SUCLA2: variants seen among roughly 807,000 people sequenced by gnomAD.
SUCLA2 encodes succinate-CoA ligase ADP-forming subunit beta.
A neutral mutation model predicts 54.8 loss-of-function variants in SUCLA2; 30 were observed. The ratio of observed to expected loss-of-function variants is 0.55; its 90% confidence interval spans 0.41 to 0.74. The LOEUF (loss-of-function observed/expected upper bound fraction) is 0.74, where lower values mean the gene tolerates loss of function less well. SUCLA2 is among the 30% of genes least tolerant of loss of function. The pLI, the probability that SUCLA2 is intolerant of heterozygous loss-of-function variation, is 0.00. For missense variants in SUCLA2, 476 were observed against 562.9 expected (o/e 0.85, Z 1.56); for synonymous variants, 172 against 188.9 (o/e 0.91, Z 0.74).
At chr13:47,970,418 A>G (rs1273788481) in intron 5 of SUCLA2, among the ~76,000 whole-genome samples, 5 of 152,150 alleles carry the variant, frequency 3.3e-5, no homozygotes, top group African/African-American at 1.2e-4. Context: ...TTCCTCATCT[A>G]AATTTCACTC....
At chr13:47,973,475 T>C (rs756729477) in intron 4 of SUCLA2, 83 bp from the exon 5 acceptor site, 35 of 1,490,826 alleles carry the variant, frequency 2.3e-5, no homozygotes, top group South Asian at 2.0e-4. Context: ...GTGCATAATA[T>C]CAGATGTAAG....
chr13:47,964,822 A>C (rs1426770726), intron 6 of SUCLA2, among the ~76,000 whole-genome samples: 1 of 152,006 alleles, frequency 6.6e-6, no homozygotes, highest in Non-Finnish European at 1.5e-5. Context: ...GTGCCACTGC[A>C]CTCCAGCCTG....
chr13:47,997,086 T>G, intron 1 of SUCLA2, 63 bp from the exon 2 acceptor site: 1 of 1,549,888 alleles, frequency 6.5e-7, no homozygotes, highest in South Asian at 1.1e-5. Context: ...TGCTAACTAC[T>G]TGGTTCTTCA....
At chr13:47,956,530 GGACA>G (rs1473281009) in intron 6 of SUCLA2, among the ~76,000 whole-genome samples, 1 of 152,074 alleles carries the variant, frequency 6.6e-6, no homozygotes, top group African/African-American at 2.4e-5. Flanking sequence ...TTCAAAAGAA[GGACA>G]GAATAAAGAT....
intron 4 of SUCLA2, among the ~76,000 whole-genome samples, chr13:47,974,406 A>C (rs945892584): frequency 6.6e-6 from 1 of 152,056 alleles, no homozygotes; most frequent in Non-Finnish European, 1.5e-5. Context: ...GCAACATAGT[A>C]AGACTCCATT....
At chr13:47,981,352 A>G (rs1380261851) in intron 4 of SUCLA2, among the ~76,000 whole-genome samples, 1 of 152,248 alleles carries the variant, frequency 6.6e-6, no homozygotes, top group Admixed American at 6.5e-5. Flanking sequence ...GCCTGTAAGC[A>G]TATGAAAAGA....
intron 2 of SUCLA2, among the ~76,000 whole-genome samples, chr13:47,993,952 T>G (rs1950170801): frequency 6.7e-6 from 1 of 149,842 alleles, no homozygotes; most frequent in Non-Finnish European, 1.5e-5. Context: ...GAGAACTGCT[T>G]GAACCCAGGA....
intron 2 of SUCLA2, chr13:47,994,966 T>C (rs1487356562): frequency 7.1e-6 from 4 of 565,382 alleles, no homozygotes; most frequent in Admixed American, 1.3e-4. Flanking sequence ...CTATTCATTT[T>C]ATGAAAAAGT....
At chr13:47,946,083 A>AT (rs2137683622) in intron 10 of SUCLA2, 1 of 152,334 alleles carries the variant, frequency 6.6e-6, no homozygotes, top group African/African-American at 2.4e-5. Context: ...CCAAGTAAGC[A>AT]TTTTATCATC....
chr13:47,998,390 G>C (rs1268437237), intron 1 of SUCLA2, among the ~76,000 whole-genome samples: 3 of 151,096 alleles, frequency 2.0e-5, no homozygotes, highest in African/African-American at 7.3e-5. Flanking sequence ...CCATTCCTGG[G>C]TATGTATCAA....
chr13:48,001,058 T>C, intron 1 of SUCLA2, 122 bp downstream of exon 1: 2 of 1,519,550 alleles, frequency 1.3e-6, no homozygotes, highest in Non-Finnish European at 1.8e-6. Flanking sequence ...CCCGAGGGCC[T>C]TGCAGGGCAC....
chr13:47,985,376 G>A (rs1950093518), intron 4 of SUCLA2, among the ~76,000 whole-genome samples: 1 of 151,920 alleles, frequency 6.6e-6, no homozygotes, highest in African/African-American at 2.4e-5. Context: ...TCTTTCTGAT[G>A]CTCTCCCTCC....
chr13:47,947,268 G>A (rs994436082), intron 10 of SUCLA2, among the ~76,000 whole-genome samples: 5 of 135,006 alleles, frequency 3.7e-5, no homozygotes, highest in Non-Finnish European at 6.4e-5. Context: ...ATGCACACAC[G>A]CACAATACAC....
At chr13:47,968,804 C>G (rs150772637) in intron 5 of SUCLA2, 71 bp from the exon 6 acceptor site, 16,588 of 1,524,946 alleles carry the variant, frequency 0.011, 134 homozygotes, top group Middle Eastern at 0.017. Context: ...AAATAAAAAG[C>G]CTTGTAGTTT....
At chr13:47,999,576 A>G (rs533320968) in intron 1 of SUCLA2, among the ~76,000 whole-genome samples, 9 of 152,152 alleles carry the variant, frequency 5.9e-5, no homozygotes, top group African/African-American at 2.2e-4. Context: ...ACGTGGTGGC[A>G]GGCGCCTGCA....
In SUCLA2 at chr13:47,996,735, G is replaced by T. The variant is rs189486059; in HGVS notation, c.271+108C>A. 5.4e-5 allele frequency: 52 copies of T among 968,300 alleles called. No homozygotes were observed. The Admixed American group carries it at 9.2e-4, about 17-fold the overall frequency. 60.0% of individuals were successfully genotyped at this position (968,300 alleles called of 1,614,324 possible). A position where few individuals can be genotyped will look rare whatever the true frequency, so the allele number is the denominator to read the frequency against. On this transcript the variant is annotated intron_variant, in intron 2 of 10. Transcript: ENST00000646932. ...ACCTTCTATTTTAAGCAAAGAAAAT[G>T]TATTTTTTTTAAAAAAAAGCTAAAA...
At chr13:47,978,067 A>G (rs12430608) in intron 4 of SUCLA2, among the ~76,000 whole-genome samples, 6,487 of 152,292 alleles carry the variant, frequency 0.043, 285 homozygotes, top group African/African-American at 0.11. Context: ...GGAAGAATCA[A>G]TATCATGAAA....
Position 47,970,107 on chromosome 13 carries a change from C to A in SUCLA2, c.664-1374G>T, listed in dbSNP as rs1005035125. Reference sequence around the variant, plus strand: ...ACAGAGTGAGACTCTGTCTCCCCCCCACAAAAAAAAAAAAAGCACTAAGGA... The same window carrying A: ...ACAGAGTGAGACTCTGTCTCCCCCCAACAAAAAAAAAAAAAGCACTAAGGA... On this transcript the variant is annotated intron_variant, in intron 5 of 10. Coordinates refer to ENST00000646932, the MANE Select transcript of SUCLA2 (RefSeq NM_003850.3). Among the ~76,000 whole-genome samples the A allele has an allele frequency of 4.9e-4, 35 of 71,806 alleles. No homozygotes were observed. The East Asian group carries it at 6.0e-3, about 12-fold the overall frequency. The allele number at this position is 71,806 out of a possible 152,430, so 47.1% of individuals were successfully genotyped here.
rs1949700029 is a variant in SUCLA2, at chr13:47,943,268, C to A, written c.*103G>T. 1 of 1,182,586 alleles carries A rather than the reference C, an allele frequency of 8.5e-7. No homozygotes were observed. Among genetic ancestry groups the A allele is most frequent in the African/African-American group, 1.5e-5 (1 of 66,526 alleles). The allele number at this position is 1,182,586 out of a possible 1,614,324, so 73.3% of individuals were successfully genotyped here. A position where few individuals can be genotyped will look rare whatever the true frequency, so the allele number is the denominator to read the frequency against. The stretch of plus-strand genomic sequence containing the variant: ...TGTTTGTGTGCCTAGATGGCAATTA[C>A]AATCTCCACACACTAAAAAGAAAAA... On this transcript the variant is annotated 3_prime_UTR_variant, in exon 11 of 11. Coordinates refer to ENST00000646932, the MANE Select transcript of SUCLA2 (RefSeq NM_003850.3).
Sources: gnomAD v4.1 joint callset for allele counts (sites outside exome capture counted in the v4.1 genomes callset) on GRCh38, gnomAD v4.1.1 for gene constraint, MANE v1.5 for transcripts, NCBI Gene and HGNC (gene_info 2026-07-23, HGNC 2026-07-21) for gene names.